The following CSMD1 variants were observed in gnomAD, a reference collection of about 807,000 sequenced individuals.
The protein encoded by CSMD1 is CUB and Sushi multiple domains 1.
In CSMD1, 213 loss-of-function variants were observed where a neutral mutation model predicts 417.5. The observed-to-expected ratio is 0.51, with a 90% CI of 0.46 to 0.57. The LOEUF (loss-of-function observed/expected upper bound fraction) is 0.57. Ranked by LOEUF, CSMD1 falls within the 20% of genes least tolerant of loss-of-function variation. CSMD1 has a pLI of 0.00. For missense variants in CSMD1, 6,923 were observed against 4,529.7 expected (o/e 1.53, Z -15.17); for synonymous variants, 2,862 against 1,736.8 (o/e 1.65, Z -16.11).
At chr8:4,800,499 G>C (rs1202402459) in intron 1 of CSMD1, among the ~76,000 whole-genome samples, 2 of 152,078 alleles carry the variant, frequency 1.3e-5, no homozygotes, top group Non-Finnish European at 2.9e-5. Context: ...TTAATTCCTG[G>C]GAAATCAATG....
chr8:3,012,056 A>T (rs1307148125), intron 52 of CSMD1, among the ~76,000 whole-genome samples: 1 of 152,192 alleles, frequency 6.6e-6, no homozygotes, highest in Non-Finnish European at 1.5e-5. Flanking sequence ...GGTCCTTGGC[A>T]ATTTACAGAA....
At chr8:4,427,337 C>A (rs1797619029) in intron 2 of CSMD1, among the ~76,000 whole-genome samples, 1 of 152,126 alleles carries the variant, frequency 6.6e-6, no homozygotes, top group South Asian at 2.1e-4. Flanking sequence ...AGTTACATGT[C>A]AAACTGTGTC....
chr8:3,022,797 A>G (rs562410163), intron 51 of CSMD1, among the ~76,000 whole-genome samples: 2 of 152,328 alleles, frequency 1.3e-5, no homozygotes, highest in African/African-American at 4.8e-5. Context: ...CAGTGGACTC[A>G]CAATGGCTGT....
chr8:3,881,651 AACC>A (rs1177115521), intron 5 of CSMD1, among the ~76,000 whole-genome samples: 1 of 151,340 alleles, frequency 6.6e-6, no homozygotes, highest in East Asian at 1.9e-4. Flanking sequence ...AACAAACAAA[AACC>A]AACAACAACA....
At chr8:2,969,646 C>T (rs1456475723) in intron 57 of CSMD1, among the ~76,000 whole-genome samples, 2 of 152,170 alleles carry the variant, frequency 1.3e-5, no homozygotes, top group African/African-American at 4.8e-5. Flanking sequence ...TTAGTCAAGT[C>T]ATAGCTAGTC....
intron 1 of CSMD1, among the ~76,000 whole-genome samples, chr8:4,812,089 C>T (rs1485833971): frequency 6.6e-6 from 1 of 152,146 alleles, no homozygotes; most frequent in South Asian, 2.1e-4. Context: ...ATCGAAAATT[C>T]CTACGCAGCT....
intron 7 of CSMD1, among the ~76,000 whole-genome samples, chr8:3,629,055 C>T (rs1796640800): frequency 6.6e-6 from 1 of 152,016 alleles, no homozygotes; most frequent in African/African-American, 2.4e-5. Flanking sequence ...CCTTGGGGAA[C>T]AGACAGTTAT....
At chr8:4,497,067 G>C (rs1802013251) in intron 2 of CSMD1, among the ~76,000 whole-genome samples, 2 of 152,186 alleles carry the variant, frequency 1.3e-5, no homozygotes, top group African/African-American at 4.8e-5. Flanking sequence ...GCTTCTGTGA[G>C]TACTGCTAGA....
Position 4,398,385 on chromosome 8 carries a change from C to CTTTTTTTTTTTTTTTTTTTTTT in CSMD1, c.415+21567_415+21568insAAAAAAAAAAAAAAAAAAAAAA, listed in dbSNP as rs1317009143. Among the ~76,000 whole-genome samples, 3 of 118,134 alleles carry CTTTTTTTTTTTTTTTTTTTTTT rather than the reference C, an allele frequency of 2.5e-5. 1 individual carries two copies. Among genetic ancestry groups the CTTTTTTTTTTTTTTTTTTTTTT allele is most frequent in the African/African-American group, 6.4e-5 (2 of 31,074 alleles). The allele number at this position is 118,134 out of a possible 152,430, so 77.5% of individuals were successfully genotyped here. On this transcript the variant is annotated intron_variant, in intron 3 of 69. Transcript: ENST00000635120. ...CTCTTTTTAAATTGTCTTGCTGCAA[C>CTTTTTTTTTTTTTTTTTTTTTT]TTCTTTTTTTTTTTTTTTTTTTTGT...
intron 2 of CSMD1, among the ~76,000 whole-genome samples, chr8:4,574,249 G>GGT (rs1335422025): frequency 1.3e-5 from 2 of 152,206 alleles, no homozygotes; most frequent in Non-Finnish European, 2.9e-5. Flanking sequence ...GGGCCCTGGT[G>GGT]GTGTAGGCAT....
intron 39 of CSMD1, 119 bp downstream of exon 39, chr8:3,157,778 T>A: frequency 1.3e-6 from 1 of 782,952 alleles, no homozygotes; most frequent in Non-Finnish European, 2.2e-6. Context: ...GCTATTAGTA[T>A]ATAACACGTG....
intron 1 of CSMD1, among the ~76,000 whole-genome samples, chr8:4,717,987 AT>A (rs1808795415): frequency 6.6e-6 from 1 of 152,100 alleles, no homozygotes; most frequent in Non-Finnish European, 1.5e-5. Flanking sequence ...TTATTTTATT[AT>A]TTGTTTTGAG....
At position 3,155,968 on chromosome 8, in the gene CSMD1, A is replaced by G. The variant is rs901633949; in HGVS notation, c.5914+1929T>C. 2.0e-5 allele frequency among the ~76,000 whole-genome samples: 3 copies of G among 152,152 alleles called. No individual in the cohort carries two copies. The East Asian group carries it at 5.8e-4, about 29-fold the overall frequency. On this transcript the variant is annotated intron_variant, in intron 39 of 69. Coordinates refer to ENST00000635120, the MANE Select transcript of CSMD1 (RefSeq NM_033225.6). Reference sequence around the variant, plus strand: ...GCAGTTAAATTGTGTATTACTAAAAACCATTGAATACCTAAATTTATTTGA... The same window carrying G: ...GCAGTTAAATTGTGTATTACTAAAAGCCATTGAATACCTAAATTTATTTGA...
intron 10 of CSMD1, among the ~76,000 whole-genome samples, chr8:3,572,251 G>C (rs1799975624): frequency 6.6e-6 from 1 of 152,198 alleles, no homozygotes; most frequent in African/African-American, 2.4e-5. Flanking sequence ...AGGAGGAGAA[G>C]ACTCCTGCAG....
intron 3 of CSMD1, among the ~76,000 whole-genome samples, chr8:4,062,217 C>T (rs1799011002): frequency 6.6e-6 from 1 of 152,060 alleles, no homozygotes; most frequent in Admixed American, 6.6e-5. Context: ...AGCTACGGGC[C>T]AGGTTCACAC....
intron 2 of CSMD1, among the ~76,000 whole-genome samples, chr8:4,447,147 C>A (rs547142996): frequency 6.6e-6 from 1 of 152,214 alleles, no homozygotes; most frequent in Non-Finnish European, 1.5e-5. Flanking sequence ...TAAAGACAAA[C>A]AACATTTTAA....
At chr8:3,952,768 A>T (rs537204702) in intron 5 of CSMD1, among the ~76,000 whole-genome samples, 1 of 152,232 alleles carries the variant, frequency 6.6e-6, no homozygotes, top group Non-Finnish European at 1.5e-5. Context: ...TTTCACTTCA[A>T]TAAAAACAAA....
At chr8:4,762,272 G>A (rs566324107) in intron 1 of CSMD1, among the ~76,000 whole-genome samples, 14 of 152,140 alleles carry the variant, frequency 9.2e-5, no homozygotes, top group African/African-American at 2.9e-4. Flanking sequence ...TAATTGTGTG[G>A]TTTACGGGTA....
intron 6 of CSMD1, among the ~76,000 whole-genome samples, chr8:3,721,808 C>T (rs926397548): frequency 6.6e-6 from 1 of 152,024 alleles, no homozygotes; most frequent in Non-Finnish European, 1.5e-5. Flanking sequence ...CATCATAAGC[C>T]ATTTTTTGAG....
Sources: gnomAD v4.1 joint callset for allele counts (sites outside exome capture counted in the v4.1 genomes callset) on GRCh38, gnomAD v4.1.1 for gene constraint, MANE v1.5 for transcripts, NCBI Gene and HGNC (gene_info 2026-07-23, HGNC 2026-07-21) for gene names.